CEP120: variants seen among roughly 807,000 people sequenced by gnomAD.
CEP120 encodes the protein centrosomal protein 120.
CEP120 carries 113 observed loss-of-function variants against 126.5 expected under a neutral mutation model. The ratio of observed to expected loss-of-function variants is 0.89; its 90% confidence interval spans 0.77 to 1.04. The LOEUF (loss-of-function observed/expected upper bound fraction) is 1.04. Among genes scored for constraint, CEP120 ranks in the 50% least tolerant of loss-of-function variants. The probability of loss-of-function intolerance (pLI) is 0.00; values close to 1 mark genes in which losing one functional copy is unlikely to be tolerated. For synonymous variants in CEP120, 400 were observed against 394.3 expected, an observed-to-expected ratio of 1.01 and a Z score of -0.17; for missense variants, 1,230 against 1,155.7, an observed-to-expected ratio of 1.06 and a Z score of -0.93.
rs961642677 is a variant in CEP120 at position 123,377,610 on chromosome 5, C to T, written c.2197-75G>A. 2.1e-5 allele frequency: 23 copies of T among 1,104,308 alleles called. 1 individual carries two copies. The highest frequency in any genetic ancestry group is 2.1e-4 in the Middle Eastern group (1 of 4,820). 68.4% of individuals were successfully genotyped at this position (1,104,308 alleles called of 1,614,324 possible). ...TACTATTCGATATTCCAATATCTTT[C>T]TATACACTCAAATGTTGAGGATATT... On this transcript the variant is annotated intron_variant, in intron 15 of 19. Transcript: ENST00000306467.
At chr5:123,367,562 C>T (rs1183999062) in intron 17 of CEP120, among the ~76,000 whole-genome samples, 3 of 151,638 alleles carry the variant, frequency 2.0e-5, no homozygotes, top group African/African-American at 4.8e-5. Flanking sequence ...CAGGTAAATA[C>T]AATGCAAACA....
rs1311945792 is a variant in CEP120, at chr5:123,385,028, A to C, written c.1686T>G (p.Thr562=). 1 of 1,613,524 alleles carries C rather than the reference A, an allele frequency of 6.2e-7. No homozygotes were observed. Among genetic ancestry groups the C allele is most frequent in the African/African-American group, 1.3e-5 (1 of 74,864 alleles). The change falls in exon 11 of 20, where the codon ACT becomes ACG. Residue 562 remains threonine (T), a synonymous_variant. Coordinates refer to ENST00000306467, the MANE Select transcript of CEP120 (RefSeq NM_001375405.1). ...GTTCACCATTAGAACCTAAAAAACG[A>C]GTTTTTTCTGAAGACAAGATGTTAG... ...QLSNILSSEK[T]RFLGSNGEQC...
chr5:123,382,121 A>G lies in CEP120; in HGVS notation c.2093T>C (p.Val698Ala), dbSNP rs1771688576. 1 of 1,597,834 alleles carries G rather than the reference A, an allele frequency of 6.3e-7. No individual in the cohort carries two copies. The highest frequency in any genetic ancestry group is 1.7e-5 in the Admixed American group (1 of 59,218). ...TACACAAGTTATTACCTTTTTCTTTACTAGTGATTCTCTTTCTCGGTCCCT... is the reference window on the plus strand; with the variant it reads ...TACACAAGTTATTACCTTTTTCTTTGCTAGTGATTCTCTTTCTCGGTCCCT... ...KKRDRERESL[V>A]KKKVAEYTIL... Residue 698 changes from valine (V) to alanine (A), a missense_variant, in exon 14 of 20, where the codon GTA becomes GCA. Coordinates refer to ENST00000306467, the MANE Select transcript of CEP120 (RefSeq NM_001375405.1).
chr5:123,416,928 T>C (rs1201915688), intron 2 of CEP120, among the ~76,000 whole-genome samples: 1 of 152,146 alleles, frequency 6.6e-6, no homozygotes, highest in East Asian at 1.9e-4. Context: ...CATAACAGTG[T>C]TCTGAAAGAA....
chr5:123,388,449 T>G lies in CEP120; in HGVS notation c.1413A>C (p.Pro471=). The part of the protein sequence containing the change: ...RSIHALEIGF[P]INCILRYSYP... ...AATCACACCTTAATATACAGTTGATTGGAAAACCAATCTCCAAGGCATGTA... is the reference window on the plus strand; with the variant it reads ...AATCACACCTTAATATACAGTTGATGGGAAAACCAATCTCCAAGGCATGTA... The change falls in exon 9 of 20, where the codon CCA becomes CCC. Residue 471 remains proline (P), a synonymous_variant. Transcript: ENST00000306467. 1.9e-6 allele frequency: 3 copies of G among 1,554,052 alleles called. No homozygotes were observed. In the South Asian group the frequency reaches 3.7e-5, roughly 19 times the overall value.
chr5:123,404,327 C>G (rs560333465), intron 4 of CEP120, among the ~76,000 whole-genome samples: 1 of 152,224 alleles, frequency 6.6e-6, no homozygotes, highest in East Asian at 1.9e-4. Flanking sequence ...TTGGCAAACA[C>G]ATCGCTGAAA....
intron 4 of CEP120, among the ~76,000 whole-genome samples, chr5:123,400,761 G>A (rs1562072536): frequency 6.6e-6 from 1 of 151,416 alleles, no homozygotes; most frequent in Non-Finnish European, 1.5e-5. Context: ...GGGCAAAGGG[G>A]GGGTCCCCAG....
At chr5:123,387,137 G>A (rs1430629461) in intron 9 of CEP120, among the ~76,000 whole-genome samples, 1 of 152,096 alleles carries the variant, frequency 6.6e-6, no homozygotes, top group Non-Finnish European at 1.5e-5. Context: ...AGCCATGCTA[G>A]ATTAAATGGA....
chr5:123,379,679 T>A (rs1235280353), intron 14 of CEP120, among the ~76,000 whole-genome samples: 1 of 151,764 alleles, frequency 6.6e-6, no homozygotes, highest in African/African-American at 2.4e-5. Flanking sequence ...ACATAATGGA[T>A]TTACGAGATC....
intron 7 of CEP120, chr5:123,390,399 G>A: frequency 1.8e-6 from 1 of 542,150 alleles, no homozygotes. Context: ...GAGAAAAGAA[G>A]TCAGGCATAG....
At chr5:123,382,019 G>A in intron 14 of CEP120, 92 bp downstream of exon 14, 1 of 845,238 alleles carries the variant, frequency 1.2e-6, no homozygotes, top group Non-Finnish European at 1.8e-6. Flanking sequence ...ACTAAAATTA[G>A]TTATTCCTTC....
intron 1 of CEP120, 86 bp from the exon 2 acceptor site, chr5:123,418,601 T>G (rs1774520756): frequency 6.6e-6 from 2 of 301,534 alleles, no homozygotes; most frequent in South Asian, 1.0e-4. Context: ...TTTGGCTGGT[T>G]TTTTTTTTTT....
rs1461641050 is a variant in CEP120, at chr5:123,346,703, C to T, written c.2777G>A (p.Ser926Asn). Reference sequence around the variant, plus strand: ...GCCATGGGGGCCATCCTTTTTTCCACTTGCAATCTCTGTGGAATCCTGGTA... The same window carrying T: ...GCCATGGGGGCCATCCTTTTTTCCATTTGCAATCTCTGTGGAATCCTGGTA... The part of the protein sequence containing the change: ...KQYQDSTEIA[S>N]GKKDGPHGSV... The change falls in exon 20 of 20, where the codon AGT (serine) becomes AAT (asparagine). Residue 926 changes from serine (S) to asparagine (N), a missense_variant. By Grantham distance (46) the Ser-to-Asn change is conservative (BLOSUM62 1). Transcript: ENST00000306467. The T allele has an allele frequency of 6.2e-7, 1 of 1,613,266 alleles. No individual in the cohort carries two copies. Among genetic ancestry groups the T allele is most frequent in the Admixed American group, 1.7e-5 (1 of 59,752 alleles).
At chr5:123,390,927 T>C in intron 7 of CEP120, 183 bp downstream of exon 7, 1 of 557,450 alleles carries the variant, frequency 1.8e-6, no homozygotes, top group Non-Finnish European at 3.1e-6. Context: ...CTGGGTAGAA[T>C]CACTTATAAA....
chr5:123,397,701 G>A (rs12658906), intron 5 of CEP120, among the ~76,000 whole-genome samples: 1 of 152,034 alleles, frequency 6.6e-6, no homozygotes, highest in Non-Finnish European at 1.5e-5. Flanking sequence ...ATCTTTACCT[G>A]ATGTACCTTG....
chr5:123,352,967 C>T (rs1000911607), intron 18 of CEP120, among the ~76,000 whole-genome samples: 1 of 151,970 alleles, frequency 6.6e-6, no homozygotes, highest in African/African-American at 2.4e-5. Flanking sequence ...TACACACTGA[C>T]TTTGTTTCCA....
In CEP120 at chr5:123,346,704, T is replaced by A; in HGVS notation, c.2776A>T (p.Ser926Cys). 1 of 1,613,296 alleles carries A rather than the reference T, an allele frequency of 6.2e-7. No individual in the cohort carries two copies. The highest frequency in any genetic ancestry group is 8.5e-7 in the Non-Finnish European group (1 of 1,179,822). Residue 926 changes from serine (S) to cysteine (C), a missense_variant, in exon 20 of 20, where the codon AGT (serine) becomes TGT (cysteine). Transcript: ENST00000306467. ...CCATGGGGGCCATCCTTTTTTCCAC[T>A]TGCAATCTCTGTGGAATCCTGGTAT... is the stretch of plus-strand genomic sequence containing the variant. ...KQYQDSTEIA[S>C]GKKDGPHGSV...
intron 17 of CEP120, among the ~76,000 whole-genome samples, chr5:123,365,577 C>G (rs1366267656): frequency 6.6e-6 from 1 of 151,632 alleles, no homozygotes; most frequent in African/African-American, 2.4e-5. Flanking sequence ...TATATGACTA[C>G]ATGGAGTCAA....
rs530890849 is a variant in CEP120 at position 123,406,032 on chromosome 5, T to C, written c.463+6367A>G. Reference sequence around the variant, plus strand: ...GTAAGAAAGAATAAAAAAGAAATGCTAGAGACAAAAATACTAAAACAGAAA... The same window carrying C: ...GTAAGAAAGAATAAAAAAGAAATGCCAGAGACAAAAATACTAAAACAGAAA... On this transcript the variant is annotated intron_variant, in intron 4 of 19. Transcript: ENST00000306467. 2.0e-5 allele frequency among the ~76,000 whole-genome samples: 3 copies of C among 152,132 alleles called. No individual in the cohort carries two copies. The South Asian group carries it at 6.2e-4, about 32-fold the overall frequency.
Sources: allele counts gnomAD v4.1 joint callset (sites outside exome capture counted in the v4.1 genomes callset), GRCh38; gene constraint gnomAD v4.1.1; transcripts MANE v1.5; gene names NCBI Gene and HGNC (gene_info 2026-07-23, HGNC 2026-07-21).